PIGU: variants seen among roughly 807,000 people sequenced by gnomAD.
PIGU encodes the protein GPI-anchor transamidase component PIGU.
In PIGU, 24 loss-of-function variants were observed where a neutral mutation model predicts 49.9. The ratio of observed to expected loss-of-function variants is 0.48; its 90% CI spans 0.35 to 0.68. The LOEUF (loss-of-function observed/expected upper bound fraction) is 0.68, where lower values mean the gene tolerates loss of function less well. PIGU is among the 30% of genes least tolerant of loss of function. The pLI, the probability that PIGU is intolerant of heterozygous loss-of-function variation, is 0.01. For missense variants in PIGU, 490 were observed against 532.6 expected (o/e 0.92, Z 0.79); for synonymous variants, 220 against 205.7 (o/e 1.07, Z -0.59).
At chr20:34,622,889 G>C (rs6059951) in intron 6 of PIGU, among the ~76,000 whole-genome samples, 14 of 152,102 alleles carry the variant, frequency 9.2e-5, no homozygotes, top group South Asian at 4.2e-4. Context: ...TGTAGTATCA[G>C]GAAATTTCAT....
At chr20:34,575,385 G>A in intron 10 of PIGU, 139 bp from the exon 11 acceptor site, 3 of 995,674 alleles carry the variant, frequency 3.0e-6, no homozygotes, top group Non-Finnish European at 2.8e-6. Flanking sequence ...AGGTACTGGG[G>A]TGCCAAGAAG....
intron 4 of PIGU, among the ~76,000 whole-genome samples, chr20:34,640,568 T>C (rs1361722965): frequency 6.6e-6 from 1 of 150,908 alleles, no homozygotes; most frequent in Non-Finnish European, 1.5e-5. Flanking sequence ...AAAATGAAGT[T>C]AGGGTATATA....
intron 7 of PIGU, among the ~76,000 whole-genome samples, chr20:34,595,028 G>A (rs1984140482): frequency 6.7e-6 from 1 of 148,508 alleles, no homozygotes; most frequent in Admixed American, 6.8e-5. Flanking sequence ...GGAGGCGGAC[G>A]GAGCTTGCAG....
At chr20:34,567,097 C>T (rs1982799438) in intron 11 of PIGU, among the ~76,000 whole-genome samples, 1 of 152,198 alleles carries the variant, frequency 6.6e-6, no homozygotes, top group Non-Finnish European at 1.5e-5. Flanking sequence ...CAGACACTGA[C>T]ATTTGACAGT....
intron 6 of PIGU, among the ~76,000 whole-genome samples, chr20:34,632,176 G>A (rs1985804176): frequency 6.6e-6 from 1 of 151,608 alleles, no homozygotes; most frequent in South Asian, 2.1e-4. Context: ...AAAAAACTGG[G>A]TTATATCCAT....
intron 7 of PIGU, among the ~76,000 whole-genome samples, chr20:34,605,752 G>A (rs1169881684): frequency 6.6e-6 from 1 of 152,066 alleles, no homozygotes; most frequent in Non-Finnish European, 1.5e-5. Context: ...AGAAAAGTTG[G>A]AAGAGTAATA....
At chr20:34,564,092 C>T (rs1490812154) in intron 11 of PIGU, among the ~76,000 whole-genome samples, 1 of 152,104 alleles carries the variant, frequency 6.6e-6, no homozygotes, top group South Asian at 2.1e-4. Context: ...AAGCAGAAGA[C>T]ACTGGGGAGA....
intron 7 of PIGU, among the ~76,000 whole-genome samples, chr20:34,601,076 T>C (rs1984400871): frequency 6.6e-6 from 1 of 151,716 alleles, no homozygotes; most frequent in African/African-American, 2.4e-5. Context: ...AGGCAAGTCC[T>C]GAACACACAC....
At chr20:34,669,184 C>T (rs545966888) in intron 1 of PIGU, among the ~76,000 whole-genome samples, 1 of 151,938 alleles carries the variant, frequency 6.6e-6, no homozygotes, top group African/African-American at 2.4e-5. Flanking sequence ...CTGTGCCCAG[C>T]AAAAATGGTA....
intron 1 of PIGU, among the ~76,000 whole-genome samples, chr20:34,674,301 G>A (rs987869097): frequency 6.6e-6 from 1 of 151,968 alleles, no homozygotes; most frequent in African/African-American, 2.4e-5. Context: ...GTTGCAGTGA[G>A]CCGAGATCGC....
chr20:34,610,843 G>A (rs1232649502), intron 7 of PIGU, among the ~76,000 whole-genome samples: 1 of 152,142 alleles, frequency 6.6e-6, no homozygotes, highest in African/African-American at 2.4e-5. Flanking sequence ...GCATGCTACT[G>A]CTACCAAAAC....
At chr20:34,625,703 ACT>A (rs769833903) in intron 6 of PIGU, among the ~76,000 whole-genome samples, 5 of 145,772 alleles carry the variant, frequency 3.4e-5, no homozygotes, top group Non-Finnish European at 6.0e-5. Flanking sequence ...ACAGAACAAG[ACT>A]CTGTCTCAAA....
chr20:34,576,286 G>A (rs952157148), intron 10 of PIGU, among the ~76,000 whole-genome samples: 3 of 151,984 alleles, frequency 2.0e-5, no homozygotes, highest in Non-Finnish European at 2.9e-5. Flanking sequence ...CACTTCATTT[G>A]GTAAACAAGA....
chr20:34,616,157 T>G lies in PIGU; in HGVS notation c.530-18A>C. ...AGCACTGCCTGTAAAAAGAAAGAAA[T>G]GTATGGAATAATCCAGCCTCATCAA... On this transcript the variant is annotated intron_variant, in intron 6 of 11. Transcript: ENST00000217446. 6.2e-7 allele frequency: 1 copy of G among 1,611,270 alleles called. No homozygotes were observed. The highest frequency in any genetic ancestry group is 1.3e-5 in the African/African-American group (1 of 74,900).
rs532131607 is a variant in PIGU at position 34,657,030 on chromosome 20, T to C, written c.195+150A>G. On this transcript the variant is annotated intron_variant, in intron 2 of 11. Coordinates refer to ENST00000217446, the MANE Select transcript of PIGU (RefSeq NM_080476.5). Reference sequence around the variant, plus strand: ...CATTGCAATTGCAAAACCTCTTTCTTATGCAGAGGACATCTAAAAACGGGC... The same window carrying C: ...CATTGCAATTGCAAAACCTCTTTCTCATGCAGAGGACATCTAAAAACGGGC... 9 of 623,028 alleles carry C rather than the reference T, an allele frequency of 1.4e-5. No homozygotes were observed. The African/African-American group carries it at 1.7e-4, about 11-fold the overall frequency. 38.6% of individuals were successfully genotyped at this position (623,028 alleles called of 1,614,324 possible).
At chr20:34,578,817 G>A (rs1335547972) in intron 10 of PIGU, among the ~76,000 whole-genome samples, 1 of 152,188 alleles carries the variant, frequency 6.6e-6, no homozygotes, top group African/African-American at 2.4e-5. Flanking sequence ...CTTGTTCCAG[G>A]CATCAGAAAG....
chr20:34,590,538 C>A (rs1455451794), intron 7 of PIGU, among the ~76,000 whole-genome samples: 1 of 151,714 alleles, frequency 6.6e-6, no homozygotes, highest in Non-Finnish European at 1.5e-5. Context: ...CCAGCCTGGG[C>A]AACAGAGCGA....
chr20:34,576,638 T>C (rs962124376), intron 10 of PIGU, among the ~76,000 whole-genome samples: 3 of 152,188 alleles, frequency 2.0e-5, no homozygotes, highest in Non-Finnish European at 4.4e-5. Flanking sequence ...ACTATTTATT[T>C]TGAGATGGAA....
At chr20:34,593,146 G>C (rs1984057778) in intron 7 of PIGU, among the ~76,000 whole-genome samples, 1 of 152,094 alleles carries the variant, frequency 6.6e-6, no homozygotes. Context: ...AGACCAGCCT[G>C]AGCAACATGG....
Sources: allele counts gnomAD v4.1 joint callset (sites outside exome capture counted in the v4.1 genomes callset), GRCh38; gene constraint gnomAD v4.1.1; transcripts MANE v1.5; gene names NCBI Gene and HGNC (gene_info 2026-07-23, HGNC 2026-07-21).